LRRTM3: variants seen among roughly 807,000 people sequenced by gnomAD.
LRRTM3 encodes leucine rich repeat transmembrane neuronal 3.
LRRTM3 carries 24 observed loss-of-function variants against 44.7 expected under a neutral mutation model. The observed-to-expected ratio is 0.54, with a 90% CI of 0.39 to 0.76. LRRTM3 has a LOEUF of 0.76. Among genes scored for constraint, LRRTM3 ranks in the 30% least tolerant of loss-of-function variants. The pLI is 0.00. For synonymous variants in LRRTM3, 277 were observed against 278.7 expected (o/e 0.99, Z 0.06); for missense variants, 587 against 702.2 (o/e 0.84, Z 1.85).
intron 2 of LRRTM3, among the ~76,000 whole-genome samples, chr10:66,992,829 C>T (rs910528536): frequency 2.0e-5 from 3 of 151,978 alleles, no homozygotes; most frequent in Non-Finnish European, 2.9e-5. Flanking sequence ...AATTTTAATG[C>T]CTTTTTAGTG....
intron 2 of LRRTM3, among the ~76,000 whole-genome samples, chr10:67,095,156 T>C (rs1857906253): frequency 6.6e-6 from 1 of 151,642 alleles, no homozygotes; most frequent in African/African-American, 2.4e-5. Flanking sequence ...AAAAATCTAC[T>C]GTGATGCTGT....
In LRRTM3 at chr10:66,977,143, A is replaced by C. The variant is rs542806332; in HGVS notation, c.1536+48691A>C. Among the ~76,000 whole-genome samples the C allele has an allele frequency of 5.9e-5, 9 of 152,232 alleles. No individual in the cohort carries two copies. In the South Asian group the frequency reaches 1.9e-3, roughly 32 times the overall value. ...TGTTTAAAGGACCTATAATGGGTAG[A>C]ATATATAAAGGTTGGCCGGGCACGG... On this transcript the variant is annotated intron_variant, in intron 2 of 2. Transcript: ENST00000361320.
rs1464865723 is a variant in LRRTM3 at position 67,100,019 on chromosome 10, T to C, written c.*2223T>C. On this transcript the variant is annotated 3_prime_UTR_variant, in exon 3 of 3. Coordinates refer to ENST00000361320, the MANE Select transcript of LRRTM3 (RefSeq NM_178011.5). Reference sequence around the variant, plus strand: ...TCATTAGAAGTTATCCTTGCAAAGATAGAAAAAGAAGAATTAATTTGTGTA... The same window carrying C: ...TCATTAGAAGTTATCCTTGCAAAGACAGAAAAAGAAGAATTAATTTGTGTA... 2.0e-5 allele frequency among the ~76,000 whole-genome samples: 3 copies of C among 151,730 alleles called. No individual in the cohort carries two copies. Among genetic ancestry groups the C allele is most frequent in the Admixed American group, 6.6e-5 (1 of 15,178 alleles).
chr10:66,967,080 G>T (rs1303003475), intron 2 of LRRTM3, among the ~76,000 whole-genome samples: 1 of 151,982 alleles, frequency 6.6e-6, no homozygotes, highest in African/African-American at 2.4e-5. Flanking sequence ...ATAAGCAGGT[G>T]ATTATTAACA....
Position 66,927,687 on chromosome 10 carries a change from G to A in LRRTM3, c.771G>A (p.Arg257=). The A allele has an allele frequency of 6.2e-7, 1 of 1,614,042 alleles. No homozygotes were observed. The highest frequency in any genetic ancestry group is 8.5e-7 in the Non-Finnish European group (1 of 1,180,024). The change falls in exon 2 of 3, where the codon AGG becomes AGA. Residue 257 remains arginine, a synonymous_variant. Coordinates refer to ENST00000361320, the MANE Select transcript of LRRTM3 (RefSeq NM_178011.5). The surrounding 1 kb of genome is among the most constrained non-coding windows in gnomAD (Gnocchi z 4.7). ...CCTGGACCTGGAGCTCCTTACAAAG[G>A]CTTGATTTATCAGGCAATGAGATCG... The part of the protein sequence containing the change: ...TMSWTWSSLQ[R]LDLSGNEIEA...
At chr10:66,943,680 T>C (rs1337359957) in intron 2 of LRRTM3, among the ~76,000 whole-genome samples, 1 of 152,178 alleles carries the variant, frequency 6.6e-6, no homozygotes, top group Non-Finnish European at 1.5e-5. Flanking sequence ...TTTGTACTTT[T>C]GTACAGCAGG....
chr10:67,004,244 T>C (rs1851846315), intron 2 of LRRTM3, among the ~76,000 whole-genome samples: 2 of 152,116 alleles, frequency 1.3e-5, no homozygotes, highest in African/African-American at 4.8e-5. Context: ...CAGAGAAAGA[T>C]TTTTGCTTTA....
At chr10:66,942,538 T>C (rs1467637206) in intron 2 of LRRTM3, among the ~76,000 whole-genome samples, 1 of 150,086 alleles carries the variant, frequency 6.7e-6, no homozygotes, top group African/African-American at 2.5e-5. Context: ...CTTTAAAACA[T>C]TGCCATAATG....
At chr10:67,017,726 T>A (rs1852742337) in intron 2 of LRRTM3, among the ~76,000 whole-genome samples, 1 of 71,148 alleles carries the variant, frequency 1.4e-5, no homozygotes, top group South Asian at 6.0e-4. Flanking sequence ...AAAAATCATC[T>A]GTGTGTGTGT....
chr10:66,971,117 A>C (rs937994507), intron 2 of LRRTM3, among the ~76,000 whole-genome samples: 1 of 152,144 alleles, frequency 6.6e-6, no homozygotes, highest in African/African-American at 2.4e-5. Flanking sequence ...ACTGGGCAGC[A>C]ATGAGGCAGG....
intron 2 of LRRTM3, among the ~76,000 whole-genome samples, chr10:67,046,708 T>A (rs568379497): frequency 1.3e-5 from 2 of 152,324 alleles, no homozygotes; most frequent in Admixed American, 6.5e-5. Context: ...ATAAATGTAT[T>A]GACTCAGCAT....
chr10:66,978,640 A>C (rs1456717165), intron 2 of LRRTM3, among the ~76,000 whole-genome samples: 3 of 148,276 alleles, frequency 2.0e-5, no homozygotes, highest in African/African-American at 7.4e-5. Context: ...GTTTTTAAAA[A>C]GAGAGAAAAA....
chr10:66,978,508 T>C (rs1398800969), intron 2 of LRRTM3, among the ~76,000 whole-genome samples: 86 of 79,764 alleles, frequency 1.1e-3, no homozygotes, highest in Admixed American at 4.8e-3. Context: ...GCCTGGATGA[T>C]AGAGTGAGAC....
At chr10:67,052,347 TC>T (rs201657871) in intron 2 of LRRTM3, among the ~76,000 whole-genome samples, 3,218 of 133,744 alleles carry the variant, frequency 0.024, 93 homozygotes, top group African/African-American at 0.064. Flanking sequence ...TCTCTCTCTC[TC>T]TCTCTCATTA....
intron 2 of LRRTM3, among the ~76,000 whole-genome samples, chr10:66,981,329 T>C (rs1442723270): frequency 6.6e-6 from 1 of 152,242 alleles, no homozygotes; most frequent in African/African-American, 2.4e-5. Flanking sequence ...TAAATATTGT[T>C]CTGATTAGAC....
chr10:67,013,663 A>G (rs1033123494), intron 2 of LRRTM3, among the ~76,000 whole-genome samples: 1 of 152,200 alleles, frequency 6.6e-6, no homozygotes, highest in Non-Finnish European at 1.5e-5. Flanking sequence ...CATACAGTTA[A>G]ATCTGAGGAA....
At chr10:66,979,275 T>C (rs1467604172) in intron 2 of LRRTM3, among the ~76,000 whole-genome samples, 3 of 152,214 alleles carry the variant, frequency 2.0e-5, no homozygotes, top group South Asian at 4.1e-4. Flanking sequence ...GTCATAACTA[T>C]TTCTTAAGTA....
At chr10:67,076,774 T>G (rs921734663) in intron 2 of LRRTM3, among the ~76,000 whole-genome samples, 2 of 152,146 alleles carry the variant, frequency 1.3e-5, no homozygotes, top group Admixed American at 1.3e-4. Flanking sequence ...AGAGAAACTT[T>G]CAAAAGCAAT....
At chr10:66,957,682 G>A (rs867280049) in intron 2 of LRRTM3, among the ~76,000 whole-genome samples, 21 of 151,812 alleles carry the variant, frequency 1.4e-4, no homozygotes, top group African/African-American at 3.9e-4. Context: ...AATGTAGGCC[G>A]ACTTAGGGGG....
Sources: allele counts gnomAD v4.1 joint callset (sites outside exome capture counted in the v4.1 genomes callset), GRCh38; gene constraint gnomAD v4.1.1; non-coding constraint Gnocchi (gnomAD v3.1); transcripts MANE v1.5; gene names NCBI Gene and HGNC (gene_info 2026-07-23, HGNC 2026-07-21).